The following ST8SIA6 variants were observed in gnomAD, a reference collection of about 807,000 sequenced individuals.
The protein encoded by ST8SIA6 is alpha-2,8-sialyltransferase 8F.
ST8SIA6 carries 39 observed loss-of-function variants against 33.6 expected under a neutral mutation model. The observed-to-expected ratio is 1.16, with a 90% CI of 0.90 to 1.52. The LOEUF (loss-of-function observed/expected upper bound fraction) is 1.52, where lower values mean the gene tolerates loss of function less well. Ranked by LOEUF, ST8SIA6 falls within the 40% of genes most tolerant of loss-of-function variation. The pLI, the probability that ST8SIA6 is intolerant of heterozygous loss-of-function variation, is 0.00. For missense variants in ST8SIA6, 441 were observed against 443.8 expected, an observed-to-expected ratio of 0.99 and a Z score of 0.06; for synonymous variants, 172 against 167.2, an observed-to-expected ratio of 1.03 and a Z score of -0.22.
At chr10:17,401,114 C>G (rs959839140) in intron 2 of ST8SIA6, among the ~76,000 whole-genome samples, 3 of 152,094 alleles carry the variant, frequency 2.0e-5, no homozygotes, top group African/African-American at 7.2e-5. Flanking sequence ...GCAAAAATCA[C>G]AAGCATTCTT....
chr10:17,431,143 T>C lies in ST8SIA6; in HGVS notation c.200+22416A>G, dbSNP rs1335052205. On this transcript the variant is annotated intron_variant, in intron 2 of 7. Coordinates refer to ENST00000377602, the MANE Select transcript of ST8SIA6 (RefSeq NM_001004470.3). ...AGGAAGAAGCCCTTTGCTCTCGTCCTTTTTTCTCTTCTCAACTGTGATGCA... is the reference window on the plus strand; with the variant it reads ...AGGAAGAAGCCCTTTGCTCTCGTCCCTTTTTCTCTTCTCAACTGTGATGCA... Among the ~76,000 whole-genome samples, 3 of 152,184 alleles carry C rather than the reference T, an allele frequency of 2.0e-5. No homozygotes were observed. In the East Asian group the frequency reaches 5.8e-4, roughly 29 times the overall value.
At position 17,319,618 on chromosome 10, in the gene ST8SIA6, T is replaced by C. The variant is rs111555237; in HGVS notation, c.*1260A>G. Among the ~76,000 whole-genome samples the C allele has an allele frequency of 0.011, 1,695 of 152,308 alleles. 16 individuals are homozygous for C. The highest frequency in any genetic ancestry group is 0.026 in the African/African-American group (1,086 of 41,558). ...ATATTTCTGAAATCCATATCAGTGA[T>C]ACTAGAGATTCTGTTTTGATGTTCT... is the stretch of plus-strand genomic sequence containing the variant. On this transcript the variant is annotated 3_prime_UTR_variant, in exon 8 of 8. Transcript: ENST00000377602.
intron 2 of ST8SIA6, among the ~76,000 whole-genome samples, chr10:17,413,195 C>T (rs1188960169): frequency 6.6e-6 from 1 of 151,712 alleles, no homozygotes; most frequent in South Asian, 2.1e-4. Context: ...ATTTTTATTA[C>T]AGCTGTGGGC....
intron 4 of ST8SIA6, among the ~76,000 whole-genome samples, chr10:17,357,858 C>T (rs1323081539): frequency 2.6e-5 from 4 of 152,204 alleles, no homozygotes; most frequent in Non-Finnish European, 4.4e-5. Context: ...TAGCTCACTA[C>T]CTGAATCTCT....
intron 4 of ST8SIA6, among the ~76,000 whole-genome samples, chr10:17,345,094 C>G (rs1848790842): frequency 6.6e-6 from 1 of 152,110 alleles, no homozygotes; most frequent in South Asian, 2.1e-4. Context: ...TACACTGCAG[C>G]AGGGGGAGGA....
intron 2 of ST8SIA6, among the ~76,000 whole-genome samples, chr10:17,443,940 G>A (rs1023081165): frequency 6.6e-6 from 1 of 152,150 alleles, no homozygotes; most frequent in Non-Finnish European, 1.5e-5. Context: ...GAAGACTACT[G>A]ACTCTAAAAG....
chr10:17,454,111 C>G lies in ST8SIA6; in HGVS notation c.101+44G>C, dbSNP rs1296654398. 3.9e-6 allele frequency: 1 copy of G among 253,644 alleles called. No individual in the cohort carries two copies. Among genetic ancestry groups the G allele is most frequent in the Non-Finnish European group, 7.4e-6 (1 of 134,846 alleles). The allele number at this position is 253,644 out of a possible 1,614,324, so 15.7% of individuals were successfully genotyped here. On this transcript the variant is annotated intron_variant, in intron 1 of 7. Transcript: ENST00000377602. The surrounding 1 kb of genome is among the most constrained non-coding windows in gnomAD (Gnocchi z 4.1). Reference sequence around the variant, plus strand: ...GGCTTGGGGGTCCGGGGGCGCCAGGCGGGGCGCGCGGCGCGGGGCGCGGCC... The same window carrying G: ...GGCTTGGGGGTCCGGGGGCGCCAGGGGGGGCGCGCGGCGCGGGGCGCGGCC...
intron 3 of ST8SIA6, among the ~76,000 whole-genome samples, chr10:17,382,781 C>G (rs886647615): frequency 1.3e-5 from 2 of 152,174 alleles, no homozygotes; most frequent in African/African-American, 4.8e-5. Flanking sequence ...CCAGGGACTA[C>G]TGTGAAAGAG....
intron 4 of ST8SIA6, among the ~76,000 whole-genome samples, chr10:17,346,821 T>G (rs1160657117): frequency 6.6e-6 from 1 of 152,200 alleles, no homozygotes; most frequent in Non-Finnish European, 1.5e-5. Context: ...ATCTTATATC[T>G]GTATTATCTA....
chr10:17,389,471 CA>C (rs1850504050), intron 3 of ST8SIA6, among the ~76,000 whole-genome samples: 2 of 152,278 alleles, frequency 1.3e-5, no homozygotes, highest in Non-Finnish European at 1.5e-5. Context: ...CCAACACACA[CA>C]CATCCTTTGT....
intron 3 of ST8SIA6, among the ~76,000 whole-genome samples, chr10:17,385,390 CTGTGTGAAGAGACCACCAAACAGGCTT>C (rs1850297083): frequency 6.6e-6 from 1 of 152,134 alleles, no homozygotes; most frequent in Admixed American, 6.5e-5. Flanking sequence ...GTCACGGTGT[CTGTGTGAAGAGACCACCAAACAGGCTT>C]TGTGTGAGCA....
chr10:17,325,478 T>TTA, intron 6 of ST8SIA6, among the ~76,000 whole-genome samples: 1 of 115,512 alleles, frequency 8.7e-6, no homozygotes, highest in Non-Finnish European at 1.9e-5. Context: ...ATATATGTGA[T>TTA]TATATATTAC....
intron 4 of ST8SIA6, among the ~76,000 whole-genome samples, chr10:17,352,102 A>T (rs1372934416): frequency 6.6e-6 from 1 of 152,184 alleles, no homozygotes; most frequent in Non-Finnish European, 1.5e-5. Context: ...GCTTGATATA[A>T]TTATTCCACA....
intron 2 of ST8SIA6, among the ~76,000 whole-genome samples, chr10:17,430,882 C>T (rs935056050): frequency 3.3e-5 from 5 of 152,084 alleles, no homozygotes; most frequent in Admixed American, 6.6e-5. Context: ...ATTAAGGTTA[C>T]GTGAAAGACT....
chr10:17,404,064 C>CA (rs964237726), intron 2 of ST8SIA6, among the ~76,000 whole-genome samples: 1,801 of 55,650 alleles, frequency 0.032, 39 homozygotes, highest in South Asian at 0.084. Flanking sequence ...GACACTGTCT[C>CA]AAAAAAAAAA....
intron 2 of ST8SIA6, among the ~76,000 whole-genome samples, chr10:17,398,217 C>T (rs553973041): frequency 6.6e-6 from 1 of 152,174 alleles, no homozygotes; most frequent in Non-Finnish European, 1.5e-5. Flanking sequence ...ATCCCAGCTA[C>T]TCAGGAGGCT....
intron 6 of ST8SIA6, among the ~76,000 whole-genome samples, chr10:17,325,195 CG>C (rs952011178): frequency 2.8e-5 from 4 of 140,828 alleles, no homozygotes; most frequent in Non-Finnish European, 4.5e-5. Context: ...ACATATTATA[CG>C]TATATAATTA....
At chr10:17,372,044 G>T (rs1238044611) in intron 3 of ST8SIA6, among the ~76,000 whole-genome samples, 1 of 152,038 alleles carries the variant, frequency 6.6e-6, no homozygotes, top group African/African-American at 2.4e-5. Flanking sequence ...CATGGTATTG[G>T]GCACTTAGTA....
chr10:17,366,749 G>C (rs892777500), intron 3 of ST8SIA6, among the ~76,000 whole-genome samples: 2 of 152,114 alleles, frequency 1.3e-5, no homozygotes, highest in Non-Finnish European at 2.9e-5. Context: ...GCCTTTGGTA[G>C]AAGATGCAGT....
Sources: gnomAD v4.1 joint callset for allele counts (sites outside exome capture counted in the v4.1 genomes callset) on GRCh38, gnomAD v4.1.1 for gene constraint, Gnocchi (gnomAD v3.1) non-coding constraint, MANE v1.5 for transcripts, NCBI Gene and HGNC (gene_info 2026-07-23, HGNC 2026-07-21) for gene names.